SGPL1: variants seen among roughly 807,000 people sequenced by gnomAD.
The protein encoded by SGPL1 is SP-lyase 1.
Under a neutral mutation model 68.9 loss-of-function variants are expected in SGPL1, and 37 were observed. The observed-to-expected ratio is 0.54, with a 90% confidence interval of 0.41 to 0.71. SGPL1 has a LOEUF of 0.71. Ranked by LOEUF, SGPL1 falls within the 30% of genes least tolerant of loss-of-function variation. The pLI, the probability that SGPL1 is intolerant of heterozygous loss-of-function variation, is 0.00. For synonymous variants in SGPL1, 236 were observed against 248.5 expected, an observed-to-expected ratio of 0.95 and a Z score of 0.47; for missense variants, 551 against 704.6, an observed-to-expected ratio of 0.78 and a Z score of 2.47.
intron 5 of SGPL1, among the ~76,000 whole-genome samples, chr10:70,855,928 TTTAAA>T (rs1845956243): frequency 6.8e-6 from 1 of 146,986 alleles, no homozygotes. Context: ...TATGTTTTGT[TTTAAA>T]CTAATGTTCT....
chr10:70,851,359 G>T (rs1845877974), intron 4 of SGPL1, 149 bp downstream of exon 4: 1 of 682,418 alleles, frequency 1.5e-6, no homozygotes, highest in Non-Finnish European at 2.6e-6. Flanking sequence ...GACATTTTTG[G>T]TGGTCACAGC....
chr10:70,831,864 T>G (rs998821104), intron 2 of SGPL1, among the ~76,000 whole-genome samples: 2 of 152,142 alleles, frequency 1.3e-5, no homozygotes, highest in Non-Finnish European at 2.9e-5. Context: ...CCTTCCTTCC[T>G]CCAGAATATG....
chr10:70,819,427 A>T (rs1845297438), intron 2 of SGPL1, among the ~76,000 whole-genome samples: 1 of 152,192 alleles, frequency 6.6e-6, no homozygotes, highest in Admixed American at 6.5e-5. Flanking sequence ...ACTGGTAAAG[A>T]ACCAATAACC....
intron 7 of SGPL1, chr10:70,860,549 T>C (rs1049126535): frequency 2.3e-6 from 1 of 428,662 alleles, no homozygotes; most frequent in Non-Finnish European, 4.7e-6. Flanking sequence ...ACAGCAGCAG[T>C]TTCCCTTAGA....
intron 7 of SGPL1, among the ~76,000 whole-genome samples, chr10:70,860,173 TGATA>T (rs1846026974): frequency 6.6e-6 from 1 of 151,524 alleles, no homozygotes; most frequent in South Asian, 2.1e-4. Flanking sequence ...TCGTAAACTA[TGATA>T]GATAAACTTC....
intron 7 of SGPL1, among the ~76,000 whole-genome samples, chr10:70,864,228 C>A (rs999125496): frequency 6.6e-6 from 1 of 152,178 alleles, no homozygotes; most frequent in African/African-American, 2.4e-5. Flanking sequence ...TGAATCTTCT[C>A]TGCCCCACAT....
intron 12 of SGPL1, among the ~76,000 whole-genome samples, chr10:70,875,008 T>A (rs1017008426): frequency 2.6e-5 from 4 of 152,236 alleles, no homozygotes; most frequent in African/African-American, 9.6e-5. Context: ...ATTTCTTGCT[T>A]TAGGGATTAC....
At chr10:70,830,126 C>T (rs1437981563) in intron 2 of SGPL1, among the ~76,000 whole-genome samples, 1 of 152,044 alleles carries the variant, frequency 6.6e-6, no homozygotes, top group Non-Finnish European at 1.5e-5. Context: ...TAAAAGAAAG[C>T]CTGTGAATCC....
At chr10:70,872,840 CAGTTACAT>C (rs1356724572) in intron 11 of SGPL1, among the ~76,000 whole-genome samples, 2 of 151,958 alleles carry the variant, frequency 1.3e-5, no homozygotes, top group Non-Finnish European at 2.9e-5. Flanking sequence ...ATAAGGAAAC[CAGTTACAT>C]AGTTAATTTT....
At chr10:70,828,198 A>C (rs1008090551) in intron 2 of SGPL1, among the ~76,000 whole-genome samples, 1 of 139,982 alleles carries the variant, frequency 7.1e-6, no homozygotes. Context: ...CAGAGTTTTA[A>C]TATATAACTT....
intron 2 of SGPL1, among the ~76,000 whole-genome samples, chr10:70,823,077 G>A (rs1194804741): frequency 6.6e-6 from 1 of 151,630 alleles, no homozygotes; most frequent in African/African-American, 2.4e-5. Context: ...ATCAGCATGG[G>A]GAGTTTACCG....
chr10:70,836,386 G>C (rs1420057223), intron 2 of SGPL1, among the ~76,000 whole-genome samples: 1 of 152,166 alleles, frequency 6.6e-6, no homozygotes, highest in Non-Finnish European at 1.5e-5. Context: ...AGCTCTGAGT[G>C]TGAAGTCCTG....
intron 7 of SGPL1, among the ~76,000 whole-genome samples, chr10:70,861,914 T>C (rs1486742323): frequency 1.3e-5 from 2 of 152,240 alleles, no homozygotes; most frequent in Non-Finnish European, 2.9e-5. Flanking sequence ...CCGCCATGCC[T>C]GAGCCTCCCA....
chr10:70,876,677 G>GA lies in SGPL1; in HGVS notation c.1566+16_1566+17insA, dbSNP rs1846395196. On this transcript the variant is annotated intron_variant, in intron 14 of 14. Coordinates refer to ENST00000373202, the MANE Select transcript of SGPL1 (RefSeq NM_003901.4). ...CACAGGAATGGTAGGGACACTTGGA[G>GA]TTTTTTTTCTTCTCTTGGAAATTTA... 1.9e-6 allele frequency: 3 copies of GA among 1,592,224 alleles called. 1 individual carries two copies. Among genetic ancestry groups the GA allele is most frequent in the Non-Finnish European group, 2.6e-6 (3 of 1,169,498 alleles).
chr10:70,852,964 C>G (rs748705520), intron 4 of SGPL1, among the ~76,000 whole-genome samples: 10 of 152,244 alleles, frequency 6.6e-5, no homozygotes, highest in Non-Finnish European at 1.2e-4. Flanking sequence ...AATTGGGTAA[C>G]GTAATACAGG....
In SGPL1 at chr10:70,820,786, T is replaced by A. The variant is rs535523676; in HGVS notation, c.27+3906T>A. 6.2e-3 allele frequency among the ~76,000 whole-genome samples: 936 copies of A among 151,846 alleles called. 5 individuals are homozygous for A. Among genetic ancestry groups the A allele is most frequent in the African/African-American group, 0.021 (882 of 41,416 alleles). ...CGAGACTGTCTCAAAAAAAAAAAAA[T>A]TTGTGTTTTATTTTCTTTTACGTCG... On this transcript the variant is annotated intron_variant, in intron 2 of 14. Coordinates refer to ENST00000373202, the MANE Select transcript of SGPL1 (RefSeq NM_003901.4).
intron 11 of SGPL1, 93 bp downstream of exon 11, chr10:70,872,079 A>G (rs1336105907): frequency 7.8e-7 from 1 of 1,274,868 alleles, no homozygotes; most frequent in Non-Finnish European, 1.1e-6. Flanking sequence ...GTATAAAATT[A>G]ACTATAGAAT....
chr10:70,871,592 G>C (rs561833444), intron 10 of SGPL1, among the ~76,000 whole-genome samples: 3 of 152,104 alleles, frequency 2.0e-5, no homozygotes, highest in African/African-American at 7.2e-5. Flanking sequence ...ACCGCAGAGC[G>C]TTTGAGGTCA....
rs773955865 is a variant in SGPL1, at chr10:70,873,354, G to A, written c.1063G>A (p.Gly355Ser). The part of the protein sequence containing the change: ...TSISADTHKY[G>S]YAPKGSSLVL... ...TTGTCTGCTACTTCTTCCACAGTAT[G>A]GCTATGCCCCAAAAGGCTCATCATT... The change falls in exon 12 of 15, where the codon GGC (glycine) becomes AGC (serine). Residue 355 changes from glycine to serine, a missense_variant. Physicochemically the swap from Gly to Ser is moderately conservative, Grantham distance 56 (BLOSUM62 0). Transcript: ENST00000373202. 3.1e-6 allele frequency: 5 copies of A among 1,612,444 alleles called. No individual in the cohort carries two copies. The highest frequency in any genetic ancestry group is 4.2e-6 in the Non-Finnish European group (5 of 1,178,426).
Sources: gnomAD v4.1 joint callset for allele counts (sites outside exome capture counted in the v4.1 genomes callset) on GRCh38, gnomAD v4.1.1 for gene constraint, MANE v1.5 for transcripts, NCBI Gene and HGNC (gene_info 2026-07-23, HGNC 2026-07-21) for gene names.